The following ERICH1 variants were observed in gnomAD, a reference collection of about 807,000 sequenced individuals.
ERICH1 encodes glutamate-rich protein 1.
In ERICH1, 56 loss-of-function variants were observed where a neutral mutation model predicts 39.6. That is an observed-to-expected ratio of 1.41 (90% CI 1.14 to 1.77). ERICH1 has a LOEUF of 1.77. Ranked by LOEUF, ERICH1 falls within the 40% of genes most tolerant of loss-of-function variation. The pLI, the probability that ERICH1 is intolerant of heterozygous loss-of-function variation, is 0.00. For synonymous variants in ERICH1, 313 were observed against 223.6 expected (o/e 1.40, Z -3.57); for missense variants, 826 against 575.4 (o/e 1.44, Z -4.45).
downstream of ERICH1, among the ~76,000 whole-genome samples, chr8:660,970 G>A (rs1030177539): frequency 4.6e-5 from 7 of 152,144 alleles, no homozygotes; most frequent in African/African-American, 7.2e-5. Context: ...CTGCTCCTCC[G>A]CCAGGCACTG....
intron 2 of ERICH1, among the ~76,000 whole-genome samples, chr8:696,842 T>A (rs1585405874): frequency 9.5e-6 from 1 of 104,794 alleles, no homozygotes; most frequent in African/African-American, 3.6e-5. Flanking sequence ...CTCGCTCCTC[T>A]CACCCTCTCT....
At chr8:636,359 GT>G (rs563825840) in intron 3 of ERICH1, among the ~76,000 whole-genome samples, 22 of 152,348 alleles carry the variant, frequency 1.4e-4, no homozygotes, top group African/African-American at 5.0e-4. Context: ...ATCATTGATG[GT>G]TTCTGCTAGA....
chr8:659,876 T>G (rs1801155110), downstream of ERICH1, among the ~76,000 whole-genome samples: 1 of 80,996 alleles, frequency 1.2e-5, no homozygotes, highest in Non-Finnish European at 3.0e-5. Flanking sequence ...CAGTGTGCAC[T>G]GAATATCCTG....
rs1371215727 is a variant in ERICH1 at position 675,142 on chromosome 8, A to G, written c.305-1095T>C. ...TGGCGGCCCCTCGGCGAGGACAGAG[A>G]CGCGGCGGCCCCTCGTGAGGACAGA... On this transcript the variant is annotated intron_variant, in intron 3 of 5. Transcript: ENST00000262109. Among the ~76,000 whole-genome samples, 40 of 112,740 alleles carry G rather than the reference A, an allele frequency of 3.5e-4. 2 individuals are homozygous for G. Among genetic ancestry groups the G allele is most frequent in the African/African-American group, 6.8e-4 (21 of 30,668 alleles). The allele number at this position is 112,740 out of a possible 152,430, so 74.0% of individuals were successfully genotyped here.
chr8:701,346 C>T, intron 2 of ERICH1, among the ~76,000 whole-genome samples: 1 of 152,000 alleles, frequency 6.6e-6, no homozygotes, highest in East Asian at 1.9e-4. Context: ...CACGCCGTAC[C>T]CACGGGTCTA....
chr8:686,118 G>A (rs907879385), intron 3 of ERICH1, among the ~76,000 whole-genome samples: 5 of 152,102 alleles, frequency 3.3e-5, no homozygotes, highest in African/African-American at 4.8e-5. Context: ...TTGCGCCACT[G>A]CACTCCAGCT....
chr8:617,051 C>T (rs56018336), intron 3 of ERICH1, among the ~76,000 whole-genome samples: 96,191 of 121,642 alleles, frequency 0.79, 39,999 homozygotes, highest in East Asian at 0.99. Flanking sequence ...GAAATAATTC[C>T]GGTTCCCACT....
At chr8:721,484 C>G (rs545690905) in intron 1 of ERICH1, among the ~76,000 whole-genome samples, 1 of 152,216 alleles carries the variant, frequency 6.6e-6, no homozygotes, top group Non-Finnish European at 1.5e-5. Flanking sequence ...AAGCGCCGAG[C>G]GTGCGGCCCC....
chr8:652,472 T>C (rs1800100057), intron 3 of ERICH1, among the ~76,000 whole-genome samples: 1 of 152,214 alleles, frequency 6.6e-6, no homozygotes, highest in Non-Finnish European at 1.5e-5. Flanking sequence ...TGATATCACA[T>C]AAAGTGACCA....
At chr8:635,750 C>T (rs73177066) in intron 3 of ERICH1, among the ~76,000 whole-genome samples, 11,050 of 152,224 alleles carry the variant, frequency 0.073, 453 homozygotes, top group Admixed American at 0.081. Context: ...CGAGTGGGGC[C>T]GACGCTCCCC....
chr8:683,160 G>A (rs986955604), intron 3 of ERICH1, among the ~76,000 whole-genome samples: 18 of 152,226 alleles, frequency 1.2e-4, no homozygotes, highest in Non-Finnish European at 1.5e-4. Context: ...CGGGCAGGGT[G>A]GTTTGAGACC....
intron 5 of ERICH1, 73 bp from the exon 6 acceptor site, chr8:664,749 G>C (rs1476842747): frequency 1.5e-6 from 2 of 1,292,648 alleles, no homozygotes; most frequent in South Asian, 1.3e-5. Flanking sequence ...TTATTATGTA[G>C]ACACGAGCCT....
chr8:712,262 G>A (rs894027494), intron 2 of ERICH1, among the ~76,000 whole-genome samples: 4 of 152,054 alleles, frequency 2.6e-5, no homozygotes, highest in African/African-American at 9.7e-5. Context: ...ATAATATCGA[G>A]TCTTCCTATC....
At chr8:668,813 T>C (rs1254945001) in intron 4 of ERICH1, 21 bp from the exon 5 acceptor site, 2 of 1,569,406 alleles carry the variant, frequency 1.3e-6, no homozygotes, top group South Asian at 2.4e-5. Context: ...TCAGTTTTGC[T>C]TGGAAATACA....
intron 3 of ERICH1, among the ~76,000 whole-genome samples, chr8:620,845 A>G (rs1479838018): frequency 6.6e-6 from 1 of 152,226 alleles, no homozygotes; most frequent in African/African-American, 2.4e-5. Flanking sequence ...ACAGACTTCA[A>G]TACCCCACTT....
At chr8:655,700 C>T (rs865995883) in intron 3 of ERICH1, among the ~76,000 whole-genome samples, 1 of 116,030 alleles carries the variant, frequency 8.6e-6, no homozygotes, top group African/African-American at 3.3e-5. Flanking sequence ...TCCTTCCTTC[C>T]TTCCTTCTTT....
intron 3 of ERICH1, among the ~76,000 whole-genome samples, chr8:638,361 G>A (rs1045336662): frequency 3.3e-5 from 5 of 152,196 alleles, no homozygotes; most frequent in African/African-American, 9.7e-5. Flanking sequence ...AGCCAGCACG[G>A]GCCATGTTCT....
chr8:639,562 C>G (rs549764376), intron 3 of ERICH1, among the ~76,000 whole-genome samples: 5 of 152,248 alleles, frequency 3.3e-5, no homozygotes, highest in Non-Finnish European at 7.4e-5. Context: ...GATTCAGAAG[C>G]AGCCGCCAAC....
At chr8:700,533 G>GGCGCACAGGCCCGCACAC (rs1563299736) in intron 2 of ERICH1, among the ~76,000 whole-genome samples, 521 of 38,890 alleles carry the variant, frequency 0.013, 90 homozygotes, top group Middle Eastern at 0.04. Flanking sequence ...GGCCCGCACA[G>GGCGCACAGGCCCGCACAC]GCGCACAGGC....
Sources: allele counts gnomAD v4.1 joint callset (sites outside exome capture counted in the v4.1 genomes callset), GRCh38; gene constraint gnomAD v4.1.1; transcripts MANE v1.5; gene names NCBI Gene and HGNC (gene_info 2026-07-23, HGNC 2026-07-21).